The following TG variants were observed in gnomAD, a reference collection of about 807,000 sequenced individuals.
The protein encoded by TG is thyroid hormones.
A neutral mutation model predicts 324.7 loss-of-function variants in TG; 270 were observed. The observed-to-expected ratio is 0.83, with a 90% CI of 0.75 to 0.92. TG has a LOEUF of 0.92. TG is among the 40% of genes least tolerant of loss of function. The probability of loss-of-function intolerance (pLI) is 0.00; values close to 1 mark genes in which losing one functional copy is unlikely to be tolerated. For missense variants in TG, 3,591 were observed against 3,456.4 expected, an observed-to-expected ratio of 1.04 and a Z score of -0.98; for synonymous variants, 1,401 against 1,327.0, an observed-to-expected ratio of 1.06 and a Z score of -1.21.
At chr8:132,901,323 C>T in intron 15 of TG, 30 bp from the exon 16 acceptor site, 6 of 1,613,586 alleles carry the variant, frequency 3.7e-6, no homozygotes, top group Non-Finnish European at 5.1e-6. Flanking sequence ...GCACTGATTC[C>T]CCAGCCCATC....
At chr8:132,990,608 C>A (rs1832193170) in intron 35 of TG, among the ~76,000 whole-genome samples, 1 of 152,106 alleles carries the variant, frequency 6.6e-6, no homozygotes, top group African/African-American at 2.4e-5. Context: ...CCTCTAATGA[C>A]CACACACAAT....
intron 10 of TG, among the ~76,000 whole-genome samples, chr8:132,891,318 G>A (rs930871165): frequency 6.6e-6 from 1 of 152,006 alleles, no homozygotes; most frequent in Non-Finnish European, 1.5e-5. Flanking sequence ...AAGAAGAAGA[G>A]GCGGATAGTA....
In TG at chr8:133,093,442, A is replaced by T. The variant is rs937786991; in HGVS notation, c.7240-1602A>T. ...GAGCCTTGCTTTGTTTTAAAGCAGG[A>T]CCAGGAGACTCGGAGTTTGTCTAAG... On this transcript the variant is annotated intron_variant, in intron 41 of 47. Coordinates refer to ENST00000220616, the MANE Select transcript of TG (RefSeq NM_003235.5). 1.3e-5 allele frequency among the ~76,000 whole-genome samples: 2 copies of T among 152,286 alleles called. 1 individual carries two copies. The highest frequency in any genetic ancestry group is 4.8e-5 in the African/African-American group (2 of 41,556).
rs187284452 is a variant in TG at position 132,881,798 on chromosome 8, C to A, written c.639-65C>A. ...GGCGTGGACTTGGCCACATTTATTT[C>A]TACAGGAAAAGCTTGTGATGACTTG... On this transcript the variant is annotated intron_variant, in intron 5 of 47. Transcript: ENST00000220616. 2.6e-5 allele frequency: 30 copies of A among 1,155,876 alleles called. No individual in the cohort carries two copies. In the African/African-American group the frequency reaches 4.5e-4, roughly 17 times the overall value. 71.6% of individuals were successfully genotyped at this position (1,155,876 alleles called of 1,614,324 possible).
At chr8:133,053,610 T>C (rs1840829526) in intron 41 of TG, among the ~76,000 whole-genome samples, 1 of 152,160 alleles carries the variant, frequency 6.6e-6, no homozygotes, top group African/African-American at 2.4e-5. Context: ...TTGAGGTAGA[T>C]GGTGTGTCTA....
At chr8:133,108,547 A>G (rs1328240959) in intron 43 of TG, among the ~76,000 whole-genome samples, 1 of 152,192 alleles carries the variant, frequency 6.6e-6, no homozygotes, top group African/African-American at 2.4e-5. Context: ...TGCCCATTTT[A>G]CAGATGAGGA....
chr8:133,057,369 GAA>G, intron 41 of TG, among the ~76,000 whole-genome samples: 1 of 152,294 alleles, frequency 6.6e-6, no homozygotes, highest in South Asian at 2.1e-4. Context: ...GAATTGTAGA[GAA>G]AATGAACACT....
chr8:132,941,654 C>T (rs1824464213), intron 26 of TG, 112 bp downstream of exon 26: 3 of 1,231,382 alleles, frequency 2.4e-6, no homozygotes, highest in East Asian at 2.4e-5. Flanking sequence ...TGAGTGCCTA[C>T]ACCCAAAGAG....
At chr8:132,892,833 ATG>A (rs1257782642) in intron 10 of TG, among the ~76,000 whole-genome samples, 1 of 126,370 alleles carries the variant, frequency 7.9e-6, no homozygotes, top group Non-Finnish European at 1.7e-5. Context: ...GTGTGTGTGT[ATG>A]TGTGTGGTGT....
At chr8:132,901,270 G>A (rs550480225) in intron 15 of TG, 83 bp from the exon 16 acceptor site, 22 of 1,543,860 alleles carry the variant, frequency 1.4e-5, no homozygotes, top group East Asian at 1.1e-4. Flanking sequence ...GAGGGTGGCC[G>A]TGGGTGGTGA....
At chr8:132,939,047 A>C (rs1249563975) in intron 25 of TG, among the ~76,000 whole-genome samples, 2 of 41,948 alleles carry the variant, frequency 4.8e-5, no homozygotes, top group Admixed American at 3.6e-4. Flanking sequence ...AGGAGTCTCA[A>C]AAAAAAAAAA....
In TG at chr8:133,083,524, A is replaced by T. The variant is rs538795110; in HGVS notation, c.7240-11520A>T. 5.9e-5 allele frequency among the ~76,000 whole-genome samples: 9 copies of T among 152,168 alleles called. No individual in the cohort carries two copies. The South Asian group carries it at 1.9e-3, about 32-fold the overall frequency. The stretch of plus-strand genomic sequence containing the variant: ...GTTGGACTTGAATCTGGGCTGATGG[A>T]CCCCATGGCCTATGCTCTTGATGCC... On this transcript the variant is annotated intron_variant, in intron 41 of 47. Coordinates refer to ENST00000220616, the MANE Select transcript of TG (RefSeq NM_003235.5).
chr8:132,935,660 C>A, intron 24 of TG, 96 bp from the exon 25 acceptor site: 1 of 1,100,642 alleles, frequency 9.1e-7, no homozygotes, highest in Non-Finnish European at 1.4e-6. Flanking sequence ...ACCTTTGTAG[C>A]CCTGGTGCCT....
chr8:132,901,515 C>T lies in TG; in HGVS notation c.3596C>T (p.Pro1199Leu), dbSNP rs114579361. The T allele has an allele frequency of 1.2e-6, 2 of 1,613,932 alleles. No individual in the cohort carries two copies. Among genetic ancestry groups the T allele is most frequent in the East Asian group, 2.2e-5 (1 of 44,890 alleles). Residue 1199 changes from proline to leucine, a missense_variant, in exon 16 of 48, where the codon CCT becomes CTT. Pro to Leu is a moderately conservative substitution (Grantham distance 98, BLOSUM62 -3). Transcript: ENST00000220616. ...WCVMDSGEEVPGTRVTGGQPA... is the reference protein window; with the variant it reads ...WCVMDSGEEVLGTRVTGGQPA... The stretch of plus-strand genomic sequence containing the variant: ...GTCATGGACAGCGGAGAAGAGGTGC[C>T]TGGGACGCGCGTGACCGGGGGCCAG...
rs117430422 is a variant in TG, at chr8:132,922,744, G to A, written c.4529-594G>A. Among the ~76,000 whole-genome samples the A allele has an allele frequency of 2.0e-5, 3 of 152,330 alleles. No homozygotes were observed. The East Asian group carries it at 5.8e-4, about 29-fold the overall frequency. ...GTATCACAGATGGCGCCTTCTCACTGTGCCCTCACATGCTGGGAGGAACAA... is the reference window on the plus strand; with the variant it reads ...GTATCACAGATGGCGCCTTCTCACTATGCCCTCACATGCTGGGAGGAACAA... On this transcript the variant is annotated intron_variant, in intron 21 of 47. Coordinates refer to ENST00000220616, the MANE Select transcript of TG (RefSeq NM_003235.5).
chr8:133,126,156 TG>T (rs1851500866), intron 45 of TG, among the ~76,000 whole-genome samples: 1 of 152,240 alleles, frequency 6.6e-6, no homozygotes, highest in Non-Finnish European at 1.5e-5. Flanking sequence ...GCCATTCTTT[TG>T]GTGCAGGATC....
chr8:133,121,048 C>T (rs1851103145), intron 45 of TG, among the ~76,000 whole-genome samples: 1 of 152,130 alleles, frequency 6.6e-6, no homozygotes. Flanking sequence ...TCCCATGAAA[C>T]CAAGCCATGT....
In TG at chr8:132,893,299, TGTG is replaced by T. The variant is rs747260165; in HGVS notation, c.2762-387_2762-385del. Among the ~76,000 whole-genome samples the T allele has an allele frequency of 1.7e-3, 177 of 103,850 alleles. 1 individual carries two copies. The highest frequency in any genetic ancestry group is 6.5e-3 in the Middle Eastern group (1 of 154). The allele number at this position is 103,850 out of a possible 152,430, so 68.1% of individuals were successfully genotyped here. Reference sequence around the variant, plus strand: ...GGGGTGGTGTGTGTGTATGTGTACGTGTGGTGTATGTGATCTGTATGTGCATAC... The same window carrying T: ...GGGGTGGTGTGTGTGTATGTGTACGTGTGTATGTGATCTGTATGTGCATAC... On this transcript the variant is annotated intron_variant, in intron 10 of 47. Transcript: ENST00000220616.
intron 44 of TG, among the ~76,000 whole-genome samples, chr8:133,114,973 G>A (rs1489386303): frequency 6.6e-6 from 1 of 151,874 alleles, no homozygotes; most frequent in Admixed American, 6.6e-5. Context: ...CTCCACTTTA[G>A]ATTAAACAGC....
Sources: gnomAD v4.1 joint callset for allele counts (sites outside exome capture counted in the v4.1 genomes callset) on GRCh38, gnomAD v4.1.1 for gene constraint, MANE v1.5 for transcripts, NCBI Gene and HGNC (gene_info 2026-07-23, HGNC 2026-07-21) for gene names.